CRIM1: variants seen among roughly 807,000 people sequenced by gnomAD.
CRIM1 encodes cysteine-rich motor neuron 1 protein.
CRIM1 carries 32 observed loss-of-function variants against 116.4 expected under a neutral mutation model. The ratio of observed to expected loss-of-function variants is 0.27; its 90% CI spans 0.21 to 0.37. The LOEUF is 0.37. Ranked by LOEUF, CRIM1 falls within the 10% of genes least tolerant of loss-of-function variation. The pLI, the probability that CRIM1 is intolerant of heterozygous loss-of-function variation, is 1.00. For missense variants in CRIM1, 1,331 were observed against 1,354.8 expected, an observed-to-expected ratio of 0.98 and a Z score of 0.28; for synonymous variants, 590 against 509.2, an observed-to-expected ratio of 1.16 and a Z score of -2.13.
At chr2:36,481,382 A>G (rs1260037961) in intron 7 of CRIM1, among the ~76,000 whole-genome samples, 1 of 152,232 alleles carries the variant, frequency 6.6e-6, no homozygotes, top group African/African-American at 2.4e-5. Flanking sequence ...TGGTCTCTGC[A>G]ACATCTGCAT....
chr2:36,428,978 G>C (rs1161921707), intron 2 of CRIM1, among the ~76,000 whole-genome samples: 1 of 152,218 alleles, frequency 6.6e-6, no homozygotes, highest in East Asian at 1.9e-4. Context: ...ATAAATGACA[G>C]TGCTCCTTTT....
At chr2:36,420,405 A>G (rs1472161336) in intron 2 of CRIM1, among the ~76,000 whole-genome samples, 1 of 152,188 alleles carries the variant, frequency 6.6e-6, no homozygotes, top group Non-Finnish European at 1.5e-5. Context: ...CCGAGGTTGG[A>G]ACCCAGATGG....
At chr2:36,390,556 A>T (rs542910652) in intron 1 of CRIM1, among the ~76,000 whole-genome samples, 2 of 152,196 alleles carry the variant, frequency 1.3e-5, no homozygotes, top group South Asian at 2.1e-4. Flanking sequence ...TAGTTTCTTC[A>T]TCATTGTTTT....
chr2:36,513,053 CT>C (rs1388556568), intron 10 of CRIM1, among the ~76,000 whole-genome samples: 2 of 152,180 alleles, frequency 1.3e-5, no homozygotes, highest in Non-Finnish European at 2.9e-5. Flanking sequence ...GATTCCTAAA[CT>C]TTGTTTTACG....
At chr2:36,395,663 TC>T (rs1212304270) in intron 1 of CRIM1, among the ~76,000 whole-genome samples, 1 of 152,168 alleles carries the variant, frequency 6.6e-6, no homozygotes, top group Non-Finnish European at 1.5e-5. Flanking sequence ...CCTGCTCCAT[TC>T]CATGATCAGA....
intron 2 of CRIM1, among the ~76,000 whole-genome samples, chr2:36,397,114 G>C (rs140602612): frequency 6.6e-6 from 1 of 152,132 alleles, no homozygotes; most frequent in African/African-American, 2.4e-5. Flanking sequence ...TTGATTTACC[G>C]TAGGATGGTG....
chr2:36,488,948 C>T (rs974102951), intron 7 of CRIM1, among the ~76,000 whole-genome samples: 1 of 152,150 alleles, frequency 6.6e-6, no homozygotes, highest in Non-Finnish European at 1.5e-5. Context: ...TTGCAAGCCA[C>T]CGCTCGACCA....
At chr2:36,378,022 A>C (rs1315549855) in intron 1 of CRIM1, among the ~76,000 whole-genome samples, 1 of 152,232 alleles carries the variant, frequency 6.6e-6, no homozygotes, top group Non-Finnish European at 1.5e-5. Flanking sequence ...GTTTTCAATA[A>C]GCATTATTGG....
At chr2:36,405,482 C>T (rs1159174744) in intron 2 of CRIM1, among the ~76,000 whole-genome samples, 1 of 152,164 alleles carries the variant, frequency 6.6e-6, no homozygotes, top group Non-Finnish European at 1.5e-5. Context: ...CTAAGTTTCT[C>T]AAACTTGAGA....
chr2:36,361,351 C>T (rs1396362973), intron 1 of CRIM1, among the ~76,000 whole-genome samples: 1 of 152,140 alleles, frequency 6.6e-6, no homozygotes, highest in Non-Finnish European at 1.5e-5. Context: ...AGTCCTTAAT[C>T]TGTGTAGGCA....
intron 13 of CRIM1, among the ~76,000 whole-genome samples, chr2:36,525,010 C>T (rs1040218331): frequency 6.6e-6 from 1 of 152,146 alleles, no homozygotes; most frequent in Non-Finnish European, 1.5e-5. Flanking sequence ...TCTGATCTGT[C>T]TCCCTCCACA....
At chr2:36,474,707 G>A (rs562619918) in intron 5 of CRIM1, among the ~76,000 whole-genome samples, 1 of 152,072 alleles carries the variant, frequency 6.6e-6, no homozygotes, top group East Asian at 1.9e-4. Flanking sequence ...AATTAGCTGG[G>A]CATGGTGTCA....
intron 2 of CRIM1, among the ~76,000 whole-genome samples, chr2:36,408,792 A>G (rs1034135526): frequency 6.8e-6 from 1 of 147,370 alleles, no homozygotes; most frequent in East Asian, 2.0e-4. Flanking sequence ...TTATGAGAAG[A>G]AAAAAAAAAA....
At chr2:36,445,031 G>C (rs1242746343) in intron 4 of CRIM1, among the ~76,000 whole-genome samples, 1 of 152,110 alleles carries the variant, frequency 6.6e-6, no homozygotes, top group Non-Finnish European at 1.5e-5. Flanking sequence ...CTCCTGTCCT[G>C]TGTGATTGTC....
chr2:36,469,004 A>T (rs1375786759), intron 5 of CRIM1, among the ~76,000 whole-genome samples: 2 of 152,204 alleles, frequency 1.3e-5, no homozygotes, highest in Non-Finnish European at 2.9e-5. Context: ...TAGTATTGTT[A>T]TTGGATAGAA....
At chr2:36,547,781 A>G (rs1025849711) in intron 16 of CRIM1, among the ~76,000 whole-genome samples, 4 of 152,224 alleles carry the variant, frequency 2.6e-5, no homozygotes, top group Admixed American at 6.5e-5. Context: ...AAGGGCCTCT[A>G]AATCTGCCTA....
intron 7 of CRIM1, among the ~76,000 whole-genome samples, chr2:36,481,445 A>G (rs1320741354): frequency 2.0e-5 from 3 of 152,216 alleles, no homozygotes; most frequent in Admixed American, 2.0e-4. Context: ...AGTTTTGGTG[A>G]GCCATTAATT....
intron 7 of CRIM1, among the ~76,000 whole-genome samples, chr2:36,488,075 C>A (rs1263373662): frequency 6.6e-6 from 1 of 152,086 alleles, no homozygotes; most frequent in East Asian, 1.9e-4. Context: ...TTAAGTATAT[C>A]CTATAAAAAC....
At chr2:36,470,357 C>G (rs1482691154) in intron 5 of CRIM1, among the ~76,000 whole-genome samples, 1 of 152,170 alleles carries the variant, frequency 6.6e-6, no homozygotes, top group Non-Finnish European at 1.5e-5. Flanking sequence ...AACAGATATT[C>G]AGTGTAGAGG....
Sources: allele counts gnomAD v4.1 joint callset (sites outside exome capture counted in the v4.1 genomes callset), GRCh38; gene constraint gnomAD v4.1.1; transcripts MANE v1.5; gene names NCBI Gene and HGNC (gene_info 2026-07-23, HGNC 2026-07-21).